Variants in SRGAP3 observed in about 807,000 individuals in gnomAD.
The protein encoded by SRGAP3 is SLIT-ROBO Rho GTPase-activating protein 3.
In SRGAP3, 39 loss-of-function variants were observed where a neutral mutation model predicts 121.1. The observed-to-expected ratio is 0.32, with a 90% CI of 0.25 to 0.42. The LOEUF is 0.42. Ranked by LOEUF, SRGAP3 falls within the 10% of genes least tolerant of loss-of-function variation. The pLI is 1.00. For missense variants in SRGAP3, 1,213 were observed against 1,470.6 expected (o/e 0.82, Z 2.86); for synonymous variants, 601 against 570.0 (o/e 1.05, Z -0.77).
intron 1 of SRGAP3, among the ~76,000 whole-genome samples, chr3:9,213,700 G>T (rs1049698923): frequency 5.9e-5 from 9 of 152,114 alleles, no homozygotes; most frequent in African/African-American, 1.9e-4. Context: ...AATAAAATAC[G>T]AACTCTTAAC....
chr3:9,210,668 T>C (rs1311949820), intron 1 of SRGAP3, among the ~76,000 whole-genome samples: 2 of 151,792 alleles, frequency 1.3e-5, no homozygotes, highest in East Asian at 1.9e-4. Flanking sequence ...CTTCTAAAAA[T>C]ACAAAAAATA....
intron 1 of SRGAP3, among the ~76,000 whole-genome samples, chr3:9,331,867 C>G (rs1339286523): frequency 6.6e-6 from 1 of 152,090 alleles, no homozygotes; most frequent in East Asian, 1.9e-4. Flanking sequence ...TGAATTAACC[C>G]ATATAAGTGA....
At chr3:9,284,491 A>G (rs1436049252) in intron 3 of SRGAP3, among the ~76,000 whole-genome samples, 1 of 152,200 alleles carries the variant, frequency 6.6e-6, no homozygotes, top group Non-Finnish European at 1.5e-5. Flanking sequence ...ATTCGTGCGA[A>G]AGTCAACACA....
At chr3:9,011,599 C>A (rs1296186530) in intron 17 of SRGAP3, among the ~76,000 whole-genome samples, 1 of 152,236 alleles carries the variant, frequency 6.6e-6, no homozygotes, top group Non-Finnish European at 1.5e-5. Flanking sequence ...CCCCAGGAAG[C>A]CCTTCCTGAT....
chr3:8,994,696 T>C (rs1430432223), intron 18 of SRGAP3, among the ~76,000 whole-genome samples, 173 bp from the exon 19 acceptor site: 1 of 152,156 alleles, frequency 6.6e-6, no homozygotes, highest in African/African-American at 2.4e-5. Context: ...TAGCCTCAGA[T>C]CCACTCTCCA....
chr3:9,015,837 C>G, intron 14 of SRGAP3, 106 bp from the exon 15 acceptor site: 1 of 1,433,192 alleles, frequency 7.0e-7, no homozygotes, highest in Non-Finnish European at 9.7e-7. Context: ...ACAGGAAAGG[C>G]AGATGGGAAA....
intron 3 of SRGAP3, among the ~76,000 whole-genome samples, chr3:9,264,967 C>T (rs1261298341): frequency 6.6e-6 from 1 of 152,190 alleles, no homozygotes; most frequent in Non-Finnish European, 1.5e-5. Context: ...TACCTGACTT[C>T]AAATTATACT....
At chr3:9,015,471 A>G in intron 15 of SRGAP3, 126 bp downstream of exon 15, 1 of 1,244,746 alleles carries the variant, frequency 8.0e-7, no homozygotes, top group African/African-American at 1.5e-5. Context: ...CAGTTCTACG[A>G]GGATGCACGT....
chr3:9,045,613 C>T (rs1945230841), intron 10 of SRGAP3, among the ~76,000 whole-genome samples: 3 of 151,974 alleles, frequency 2.0e-5, no homozygotes, highest in South Asian at 2.1e-4. Context: ...AGAATGGCGG[C>T]AATGAAAGCT....
At chr3:9,252,583 T>A (rs1341632681), upstream of SRGAP3, among the ~76,000 whole-genome samples, 1 of 152,036 alleles carries the variant, frequency 6.6e-6, no homozygotes, top group Non-Finnish European at 1.5e-5. Flanking sequence ...AAGGTCTGTG[T>A]CCCCTGAAAA....
At chr3:9,318,168 T>C (rs748662960) in intron 3 of SRGAP3, among the ~76,000 whole-genome samples, 43 of 152,078 alleles carry the variant, frequency 2.8e-4, no homozygotes, top group Admixed American at 1.0e-3. Context: ...CTGTTGTCTA[T>C]CCATGCAGTT....
intron 1 of SRGAP3, among the ~76,000 whole-genome samples, chr3:9,165,965 G>C (rs1950772480): frequency 6.6e-6 from 1 of 152,214 alleles, no homozygotes; most frequent in Non-Finnish European, 1.5e-5. Context: ...AAAACCCCAT[G>C]TGAGGGGGCA....
chr3:9,155,826 T>C (rs1421050002), intron 1 of SRGAP3, among the ~76,000 whole-genome samples: 1 of 152,232 alleles, frequency 6.6e-6, no homozygotes, highest in African/African-American at 2.4e-5. Flanking sequence ...TATTGCTTTC[T>C]TTTTCTTGAG....
chr3:9,033,468 G>A (rs1377570926), intron 11 of SRGAP3: 2 of 151,900 alleles, frequency 1.3e-5, no homozygotes, highest in Non-Finnish European at 2.9e-5. Context: ...CTGTCGCCCA[G>A]GCTGGGGTGC....
At chr3:8,993,122 C>A in intron 19 of SRGAP3, 67 bp from the exon 20 acceptor site, 1 of 1,604,218 alleles carries the variant, frequency 6.2e-7, no homozygotes, top group South Asian at 1.1e-5. Context: ...ACAGAGCTCC[C>A]TGATATGTGT....
At chr3:9,049,223 T>C (rs1945436604) in intron 9 of SRGAP3, 22 of 359,102 alleles carry the variant, frequency 6.1e-5, no homozygotes, top group South Asian at 4.4e-4. Context: ...GGCTGACACA[T>C]ACACAAATAA....
chr3:9,116,266 C>A (rs977117483), intron 2 of SRGAP3, among the ~76,000 whole-genome samples: 27 of 152,344 alleles, frequency 1.8e-4, no homozygotes, highest in African/African-American at 6.3e-4. Flanking sequence ...TATCCTCGGA[C>A]ATCATTTATC....
chr3:9,145,800 T>TG (rs1950003115), intron 1 of SRGAP3, among the ~76,000 whole-genome samples: 4 of 152,152 alleles, frequency 2.6e-5, no homozygotes, highest in Admixed American at 2.0e-4. Flanking sequence ...CATGCATGCC[T>TG]GGCCTCAAAG....
intron 1 of SRGAP3, among the ~76,000 whole-genome samples, chr3:9,332,616 G>GT (rs1005930825): frequency 6.6e-6 from 1 of 152,190 alleles, no homozygotes; most frequent in African/African-American, 2.4e-5. Context: ...TGTCAAGAGA[G>GT]TTTTTTTCTA....
Sources: gnomAD v4.1 joint callset for allele counts (sites outside exome capture counted in the v4.1 genomes callset) on GRCh38, gnomAD v4.1.1 for gene constraint, MANE v1.5 for transcripts, NCBI Gene and HGNC (gene_info 2026-07-23, HGNC 2026-07-21) for gene names.